ACAD10: variants seen among roughly 807,000 people sequenced by gnomAD.
ACAD10 encodes the protein ACAD-10.
ACAD10 carries 112 observed loss-of-function variants against 116.8 expected under a neutral mutation model. The ratio of observed to expected loss-of-function variants is 0.96; its 90% CI spans 0.82 to 1.12. The LOEUF (loss-of-function observed/expected upper bound fraction) is 1.12. Among genes scored for constraint, ACAD10 ranks in the 50% most tolerant of loss-of-function variants. The pLI, the probability that ACAD10 is intolerant of heterozygous loss-of-function variation, is 0.00. For missense variants in ACAD10, 1,259 were observed against 1,350.2 expected, an observed-to-expected ratio of 0.93 and a Z score of 1.06; for synonymous variants, 486 against 510.6, an observed-to-expected ratio of 0.95 and a Z score of 0.65.
chr12:111,703,999 T>A (rs994340035), intron 3 of ACAD10, among the ~76,000 whole-genome samples: 11 of 151,718 alleles, frequency 7.3e-5, no homozygotes, highest in Non-Finnish European at 1.5e-4. Flanking sequence ...CAAAAAAGAC[T>A]GCATGGTGTA....
chr12:111,720,591 A>AT (rs1339364597), intron 7 of ACAD10, among the ~76,000 whole-genome samples: 1 of 152,110 alleles, frequency 6.6e-6, no homozygotes, highest in Non-Finnish European at 1.5e-5. Context: ...TTTATTTGAT[A>AT]TTAAAGTAGC....
rs531425903 is a variant in ACAD10, at chr12:111,713,950, G to A, written c.850+1293G>A. 9.3e-4 allele frequency among the ~76,000 whole-genome samples: 140 copies of A among 151,346 alleles called. 2 individuals are homozygous for A. In the South Asian group the frequency reaches 0.029, roughly 31 times the overall value. On this transcript the variant is annotated intron_variant, in intron 6 of 20. Transcript: ENST00000313698. ...TCCGTCCCCCCCCCAAAAAAAAAAG[G>A]AAAAATAATGTTGCTGGGTGTGGTA...
Position 111,735,486 on chromosome 12 carries a change from C to T in ACAD10, c.1541-1345C>T, listed in dbSNP as rs187010018. ...TTTTTTTTTTTTTGAGACGGAGTCT[C>T]GCTCTGTTGCCCAGGCTAGAGTGCA... On this transcript the variant is annotated intron_variant, in intron 11 of 20. Transcript: ENST00000313698. Among the ~76,000 whole-genome samples the T allele has an allele frequency of 6.0e-3, 908 of 150,712 alleles. 11 individuals carry two copies. Among genetic ancestry groups the T allele is most frequent in the African/African-American group, 0.02 (839 of 41,116 alleles).
In ACAD10 at chr12:111,747,636, C is replaced by T. The variant is rs1889951802; in HGVS notation, c.2485+251C>T. The stretch of plus-strand genomic sequence containing the variant: ...ACACATGGACGGATGCCTCCCTGCA[C>T]ATGTGACCCCAGGAATCTCTCCACT... On this transcript the variant is annotated intron_variant, in intron 16 of 20. Transcript: ENST00000313698. 6 of 1,306,210 alleles carry T rather than the reference C, an allele frequency of 4.6e-6. No individual in the cohort carries two copies. The South Asian group carries it at 1.0e-4, about 22-fold the overall frequency. 80.9% of individuals were successfully genotyped at this position (1,306,210 alleles called of 1,614,324 possible). A position where few individuals can be genotyped will look rare whatever the true frequency, so the allele number is the denominator to read the frequency against.
rs1890127517 is a variant in ACAD10, at chr12:111,753,527, C to A, written c.2818-245C>A. The stretch of plus-strand genomic sequence containing the variant: ...AAGGGTTCTTGGAAGCAATTTGTTA[C>A]AGGCACCCTGTGGGCTGTGGCTGGC... On this transcript the variant is annotated intron_variant, in intron 18 of 20. Transcript: ENST00000313698. The A allele has an allele frequency of 5.7e-6, 4 of 696,408 alleles. No individual in the cohort carries two copies. In the Admixed American group the frequency reaches 6.0e-5, roughly 11 times the overall value. The allele number at this position is 696,408 out of a possible 1,614,324, so 43.1% of individuals were successfully genotyped here. A position where few individuals can be genotyped will look rare whatever the true frequency, so the allele number is the denominator to read the frequency against.
At chr12:111,702,592 G>C (rs1888379689) in intron 3 of ACAD10, among the ~76,000 whole-genome samples, 1 of 152,076 alleles carries the variant, frequency 6.6e-6, no homozygotes, top group Non-Finnish European at 1.5e-5. Flanking sequence ...TTAGCTGGCT[G>C]TGGTGGCGCA....
intron 7 of ACAD10, among the ~76,000 whole-genome samples, chr12:111,716,188 G>T (rs1888841997): frequency 6.6e-6 from 1 of 152,008 alleles, no homozygotes; most frequent in Non-Finnish European, 1.5e-5. Context: ...AATGCAGCAA[G>T]ACCCTGTTTC....
In ACAD10 at chr12:111,728,073, GAACACA is replaced by G; in HGVS notation, c.1174_1179del (p.Asn392_Thr393del). 11 of 1,614,132 alleles carry G rather than the reference GAACACA, an allele frequency of 6.8e-6. No individual in the cohort carries two copies. Among genetic ancestry groups the G allele is most frequent in the Non-Finnish European group, 9.3e-6 (11 of 1,180,016 alleles). Reference sequence around the variant, plus strand: ...ACAGACGAGCCATATACACTGCCATGAACACAGTCCTGTGCAAAATTCACAGTGTGG... The same window carrying G: ...ACAGACGAGCCATATACACTGCCATGGTCCTGTGCAAAATTCACAGTGTGG... On this transcript the variant is annotated inframe_deletion, in exon 9 of 21. Coordinates refer to ENST00000313698, the MANE Select transcript of ACAD10 (RefSeq NM_025247.6).
chr12:111,707,589 T>G (rs1211532792), intron 4 of ACAD10, among the ~76,000 whole-genome samples: 1 of 152,160 alleles, frequency 6.6e-6, no homozygotes, highest in East Asian at 1.9e-4. Flanking sequence ...GAACAGCTCA[T>G]GAAATATAGT....
At chr12:111,745,082 A>G in intron 13 of ACAD10, 39 bp downstream of exon 13, 7 of 1,584,588 alleles carry the variant, frequency 4.4e-6, no homozygotes, top group Non-Finnish European at 3.4e-6. Context: ...CCCCAATACC[A>G]TGGCATACCC....
intron 10 of ACAD10, among the ~76,000 whole-genome samples, chr12:111,730,651 C>A (rs1889359447): frequency 6.6e-6 from 1 of 152,036 alleles, no homozygotes; most frequent in African/African-American, 2.4e-5. Flanking sequence ...GCTTTTGATG[C>A]AAGCATGCCT....
At chr12:111,749,413 A>G in intron 18 of ACAD10, 68 bp downstream of exon 18, 2 of 1,547,200 alleles carry the variant, frequency 1.3e-6, no homozygotes, top group Non-Finnish European at 8.7e-7. Context: ...GTCGGACTTC[A>G]ATTCCTACCT....
intron 8 of ACAD10, among the ~76,000 whole-genome samples, chr12:111,726,339 C>G (rs943177898): frequency 6.6e-6 from 1 of 152,126 alleles, no homozygotes; most frequent in African/African-American, 2.4e-5. Flanking sequence ...ATTGGGTCAC[C>G]TTAGTACTGC....
chr12:111,745,046 A>G lies in ACAD10; in HGVS notation c.2115+3A>G, dbSNP rs200854580. 52 of 1,609,856 alleles carry G rather than the reference A, an allele frequency of 3.2e-5. No individual in the cohort carries two copies. Among genetic ancestry groups the G allele is most frequent in the Non-Finnish European group, 4.3e-5 (51 of 1,178,238 alleles). On this transcript the variant is annotated splice_donor_region_variant and intron_variant, in intron 13 of 20. Coordinates refer to ENST00000313698, the MANE Select transcript of ACAD10 (RefSeq NM_025247.6). The stretch of plus-strand genomic sequence containing the variant: ...CCCCACTGATCGAAGACCTCAAGGT[A>G]AAGCAGCCATGGTGAGGTGGTAAGA...
At position 111,755,671 on chromosome 12, in the gene ACAD10, G is replaced by T; in HGVS notation, c.2965G>T (p.Ala989Ser). Reference sequence around the variant, plus strand: ...TCGCATCTCCTCCTCCTTACAGGCTGCAGCCTTGGATATAGCCATGATTAA... The same window carrying T: ...TCGCATCTCCTCCTCCTTACAGGCTTCAGCCTTGGATATAGCCATGATTAA... ...HLMDLAGNKA[A>S]ALDIAMIKMV... Residue 989 changes from alanine to serine, a missense_variant, in exon 20 of 21, where the codon GCA becomes TCA. Physicochemically the swap from Ala to Ser is moderately conservative, Grantham distance 99. Transcript: ENST00000313698. 1 of 1,613,572 alleles carries T rather than the reference G, an allele frequency of 6.2e-7. No individual in the cohort carries two copies. The highest frequency in any genetic ancestry group is 8.5e-7 in the Non-Finnish European group (1 of 1,179,770).
intron 3 of ACAD10, among the ~76,000 whole-genome samples, chr12:111,705,428 G>T (rs1364296297): frequency 6.6e-6 from 1 of 151,960 alleles, no homozygotes; most frequent in Non-Finnish European, 1.5e-5. Flanking sequence ...TCACTTTGTT[G>T]CCCAGGCTGG....
intron 2 of ACAD10, among the ~76,000 whole-genome samples, chr12:111,696,003 G>A (rs1400213530): frequency 1.5e-5 from 2 of 132,130 alleles, no homozygotes; most frequent in Non-Finnish European, 3.0e-5. Context: ...GACAGAGCAA[G>A]ACTCTGTCTC....
chr12:111,729,913 C>T lies in ACAD10; in HGVS notation c.1351C>T (p.Leu451Phe). Reference sequence around the variant, plus strand: ...GCTGATCGAATGGCTGCCCCTCCATCTTCCCCGTCAGCAGAGGACCACAGT... The same window carrying T: ...GCTGATCGAATGGCTGCCCCTCCATTTTCCCCGTCAGCAGAGGACCACAGT... Reference protein sequence around the residue: ...ERLIEWLPLHLPRQQRTTVVH... With the variant: ...ERLIEWLPLHFPRQQRTTVVH... The change falls in exon 10 of 21, where the codon CTT becomes TTT. Residue 451 changes from leucine (L) to phenylalanine (F), a missense_variant. Coordinates refer to ENST00000313698, the MANE Select transcript of ACAD10 (RefSeq NM_025247.6). The T allele has an allele frequency of 6.2e-7, 1 of 1,614,166 alleles. No homozygotes were observed. The highest frequency in any genetic ancestry group is 8.5e-7 in the Non-Finnish European group (1 of 1,180,022).
At chr12:111,722,992 G>T (rs1406762346) in intron 8 of ACAD10, among the ~76,000 whole-genome samples, 1 of 150,700 alleles carries the variant, frequency 6.6e-6, no homozygotes, top group African/African-American at 2.4e-5. Flanking sequence ...CCTCCCGGAC[G>T]GGGCGGGTGG....
Sources: gnomAD v4.1 joint callset for allele counts (sites outside exome capture counted in the v4.1 genomes callset) on GRCh38, gnomAD v4.1.1 for gene constraint, MANE v1.5 for transcripts, NCBI Gene and HGNC (gene_info 2026-07-23, HGNC 2026-07-21) for gene names.